The following CNTN6 variants were observed in gnomAD, a reference collection of about 807,000 sequenced individuals.
CNTN6 encodes contactin-6.
A neutral mutation model predicts 122.8 loss-of-function variants in CNTN6; 137 were observed. The ratio of observed to expected loss-of-function variants is 1.12; its 90% CI spans 0.97 to 1.29. CNTN6 has a LOEUF of 1.29. Among genes scored for constraint, CNTN6 ranks in the 50% most tolerant of loss-of-function variants. CNTN6 has a pLI of 0.00. For missense variants in CNTN6, 1,634 were observed against 1,223.4 expected (o/e 1.34, Z -5.01); for synonymous variants, 570 against 426.0 (o/e 1.34, Z -4.16).
At chr3:1,212,257 T>TTTTG (rs1237773804) in intron 2 of CNTN6, among the ~76,000 whole-genome samples, 5 of 149,886 alleles carry the variant, frequency 3.3e-5, no homozygotes, top group Admixed American at 6.7e-5. Flanking sequence ...AACTTGTTTT[T>TTTTG]TTTTTTTTTT....
rs368642589 is a variant in CNTN6, at chr3:1,102,590, G to A, written c.-83+9470G>A. On this transcript the variant is annotated intron_variant, in intron 1 of 22. Transcript: ENST00000446702. ...CTAAAAATACAAAAATGAGCCGGGC[G>A]TGGTGGCGGCGCCTGTAGTCCCAGC... Among the ~76,000 whole-genome samples, 1,315 of 145,144 alleles carry A rather than the reference G, an allele frequency of 9.1e-3. 28 individuals carry two copies. Among genetic ancestry groups the A allele is most frequent in the African/African-American group, 0.031 (1,159 of 37,000 alleles).
At chr3:1,146,602 GT>G (rs1398107852) in intron 1 of CNTN6, among the ~76,000 whole-genome samples, 3 of 151,710 alleles carry the variant, frequency 2.0e-5, no homozygotes, top group Non-Finnish European at 2.9e-5. Context: ...TGTGCGTAAG[GT>G]TTTTTTTGTT....
At chr3:1,184,108 G>A (rs994704254) in intron 2 of CNTN6, among the ~76,000 whole-genome samples, 3 of 152,124 alleles carry the variant, frequency 2.0e-5, no homozygotes, top group African/African-American at 7.2e-5. Context: ...ATAATCTTAT[G>A]TACCTGGTCA....
intron 2 of CNTN6, among the ~76,000 whole-genome samples, chr3:1,191,255 G>A (rs2093698127): frequency 6.6e-6 from 1 of 152,092 alleles, no homozygotes; most frequent in Non-Finnish European, 1.5e-5. Flanking sequence ...CTAATGATGT[G>A]ACTCATGGTG....
At chr3:1,199,569 T>C (rs748306493) in intron 2 of CNTN6, among the ~76,000 whole-genome samples, 18 of 152,170 alleles carry the variant, frequency 1.2e-4, no homozygotes, top group Non-Finnish European at 2.4e-4. Flanking sequence ...TAAATGGCTA[T>C]TTGAAATGTA....
At chr3:1,341,933 G>C (rs1703951048) in intron 11 of CNTN6, among the ~76,000 whole-genome samples, 2 of 152,052 alleles carry the variant, frequency 1.3e-5, no homozygotes, top group Non-Finnish European at 2.9e-5. Flanking sequence ...CTAATATCTA[G>C]GTAACCCCTC....
chr3:1,135,740 C>T (rs1043481229), intron 1 of CNTN6, among the ~76,000 whole-genome samples: 12 of 152,112 alleles, frequency 7.9e-5, no homozygotes, highest in African/African-American at 2.9e-4. Context: ...GCCTGTAATC[C>T]CAGCATTTTG....
At chr3:1,241,483 G>A (rs1362307533) in intron 4 of CNTN6, among the ~76,000 whole-genome samples, 2 of 152,030 alleles carry the variant, frequency 1.3e-5, no homozygotes, top group African/African-American at 2.4e-5. Flanking sequence ...GATTGGTGAT[G>A]GCCTGGATAT....
At chr3:1,192,074 C>T (rs997808351) in intron 2 of CNTN6, among the ~76,000 whole-genome samples, 2 of 152,126 alleles carry the variant, frequency 1.3e-5, no homozygotes, top group African/African-American at 4.8e-5. Context: ...TCTGCCTCGT[C>T]CTTTTGATCC....
At chr3:1,135,881 A>G (rs559596288) in intron 1 of CNTN6, among the ~76,000 whole-genome samples, 113 of 152,152 alleles carry the variant, frequency 7.4e-4, no homozygotes, top group Non-Finnish European at 1.4e-3. Context: ...AATCCCAGCT[A>G]CTCGGGAGGC....
chr3:1,123,188 A>G (rs1016918521), intron 1 of CNTN6, among the ~76,000 whole-genome samples: 1 of 151,878 alleles, frequency 6.6e-6, no homozygotes, highest in Non-Finnish European at 1.5e-5. Flanking sequence ...TAAAAAAGCC[A>G]TTGGAATTTT....
chr3:1,399,424 A>C (rs1695394334), intron 20 of CNTN6, among the ~76,000 whole-genome samples: 1 of 152,100 alleles, frequency 6.6e-6, no homozygotes, highest in South Asian at 2.1e-4. Context: ...TACGTTGTAC[A>C]TTGACAAGCA....
intron 17 of CNTN6, 84 bp from the exon 18 acceptor site, chr3:1,382,858 A>C: frequency 1.1e-6 from 1 of 913,416 alleles, no homozygotes. Flanking sequence ...TCTATGGAAG[A>C]AATGTGAAAT....
At chr3:1,317,588 A>G (rs1212416246) in intron 7 of CNTN6, among the ~76,000 whole-genome samples, 1 of 151,666 alleles carries the variant, frequency 6.6e-6, no homozygotes, top group South Asian at 2.1e-4. Flanking sequence ...TGCTTTCTCT[A>G]TTTGGTGGAA....
chr3:1,093,808 G>A (rs532725342), intron 1 of CNTN6, among the ~76,000 whole-genome samples: 27 of 152,228 alleles, frequency 1.8e-4, no homozygotes, highest in Non-Finnish European at 3.4e-4. Flanking sequence ...TGATGACTTG[G>A]GAACAAAACT....
intron 11 of CNTN6, 118 bp downstream of exon 11, chr3:1,330,053 C>G: frequency 1.6e-6 from 1 of 616,250 alleles, no homozygotes. Flanking sequence ...CATTGGCATA[C>G]CTAGAGACGC....
At chr3:1,113,418 G>A (rs9851039) in intron 1 of CNTN6, among the ~76,000 whole-genome samples, 6,623 of 152,156 alleles carry the variant, frequency 0.044, 503 homozygotes, top group African/African-American at 0.15. Context: ...TGGTTGAGAA[G>A]ATAAGTAAAT....
chr3:1,376,343 A>T (rs898592889), intron 16 of CNTN6, among the ~76,000 whole-genome samples: 1 of 152,048 alleles, frequency 6.6e-6, no homozygotes, highest in Non-Finnish European at 1.5e-5. Flanking sequence ...AAACTCATCA[A>T]AATTACTGGT....
chr3:1,121,229 T>G (rs530988757), intron 1 of CNTN6, among the ~76,000 whole-genome samples: 1 of 129,828 alleles, frequency 7.7e-6, no homozygotes, highest in South Asian at 2.5e-4. Context: ...GCTACTCTAT[T>G]GGAACACAGA....
Sources: allele counts gnomAD v4.1 joint callset (sites outside exome capture counted in the v4.1 genomes callset), GRCh38; gene constraint gnomAD v4.1.1; transcripts MANE v1.5; gene names NCBI Gene and HGNC (gene_info 2026-07-23, HGNC 2026-07-21).